Variants in RYR3 observed in about 807,000 individuals in gnomAD.
RYR3 encodes the protein ryanodine receptor 3.
A neutral mutation model predicts 584.3 loss-of-function variants in RYR3; 207 were observed. That is an observed-to-expected ratio of 0.35 (90% CI 0.32 to 0.40). The LOEUF is 0.40. RYR3 is among the 10% of genes least tolerant of loss of function. RYR3 has a pLI of 1.00. For synonymous variants in RYR3, 2,416 were observed against 2,248.5 expected, an observed-to-expected ratio of 1.07 and a Z score of -2.11; for missense variants, 5,616 against 6,089.2, an observed-to-expected ratio of 0.92 and a Z score of 2.59.
intron 1 of RYR3, among the ~76,000 whole-genome samples, chr15:33,362,419 G>T (rs58882526): frequency 0.02 from 2,966 of 151,888 alleles, 60 homozygotes; most frequent in African/African-American, 0.052. Flanking sequence ...ATCATCAGCA[G>T]CAGCAGCAGC....
chr15:33,829,307 CAAGGAGT>C (rs1464259957), intron 85 of RYR3, among the ~76,000 whole-genome samples: 1 of 152,106 alleles, frequency 6.6e-6, no homozygotes, highest in Non-Finnish European at 1.5e-5. Context: ...GCCCATGGAT[CAAGGAGT>C]AATTTTGACT....
At chr15:33,523,543 C>T (rs1014191776) in intron 3 of RYR3, among the ~76,000 whole-genome samples, 9 of 152,096 alleles carry the variant, frequency 5.9e-5, no homozygotes, top group African/African-American at 1.4e-4. Flanking sequence ...GAACCAGTTC[C>T]GGACACACTA....
intron 74 of RYR3, among the ~76,000 whole-genome samples, chr15:33,815,084 A>AG (rs1243572040): frequency 6.6e-6 from 1 of 151,470 alleles, no homozygotes; most frequent in African/African-American, 2.4e-5. Context: ...AAAAAAAAAA[A>AG]AGGAATCACA....
At chr15:33,627,920 G>A (rs969063073) in intron 20 of RYR3, among the ~76,000 whole-genome samples, 1 of 152,172 alleles carries the variant, frequency 6.6e-6, no homozygotes, top group African/African-American at 2.4e-5. Flanking sequence ...ATTAGATGGG[G>A]GAGTAGTGCC....
At chr15:33,545,307 T>A (rs762370323) in intron 8 of RYR3, among the ~76,000 whole-genome samples, 1 of 152,158 alleles carries the variant, frequency 6.6e-6, no homozygotes. Flanking sequence ...TTCAAGTGAT[T>A]CAGCAAAATT....
intron 38 of RYR3, among the ~76,000 whole-genome samples, chr15:33,694,728 C>T (rs944901002): frequency 7.2e-5 from 11 of 152,182 alleles, no homozygotes; most frequent in East Asian, 1.9e-4. Context: ...TATTATCTAA[C>T]CTAACAGGTA....
chr15:33,843,662 TC>T, intron 92 of RYR3, 88 bp downstream of exon 92: 1 of 958,432 alleles, frequency 1.0e-6, no homozygotes, highest in African/African-American at 1.6e-5. Context: ...GAATTTGTGC[TC>T]TTAATTGTAG....
intron 89 of RYR3, among the ~76,000 whole-genome samples, chr15:33,840,359 C>T (rs2078280424): frequency 6.6e-6 from 1 of 152,204 alleles, no homozygotes; most frequent in African/African-American, 2.4e-5. Flanking sequence ...ATGCAAGACT[C>T]ATAGGCTGTG....
Position 33,672,111 on chromosome 15 carries a change from G to A in RYR3, c.5860+1555G>A, listed in dbSNP as rs769926221. Among the ~76,000 whole-genome samples, 10 of 152,036 alleles carry A rather than the reference G, an allele frequency of 6.6e-5. 1 individual carries two copies. The highest frequency in any genetic ancestry group is 1.5e-4 in the Non-Finnish European group (10 of 68,008). On this transcript the variant is annotated intron_variant, in intron 38 of 103. Coordinates refer to ENST00000634891, the MANE Select transcript of RYR3 (RefSeq NM_001036.6). ...TTACAGGCATGAGCCACCACAGCTG[G>A]CCCTTTCCCACCTTCTTTTTAACAG... is the stretch of plus-strand genomic sequence containing the variant.
At chr15:33,781,766 A>C (rs1391549804) in intron 65 of RYR3, among the ~76,000 whole-genome samples, 2 of 151,448 alleles carry the variant, frequency 1.3e-5, no homozygotes, top group Non-Finnish European at 2.9e-5. Context: ...CAACTTTCCA[A>C]AGTCCCGTAT....
chr15:33,813,692 G>T, intron 74 of RYR3, 113 bp downstream of exon 74: 1 of 869,972 alleles, frequency 1.1e-6, no homozygotes, highest in South Asian at 1.5e-5. Flanking sequence ...GGAATCCTTG[G>T]CCTATGGAGC....
intron 38 of RYR3, among the ~76,000 whole-genome samples, chr15:33,671,190 T>C (rs2063816945): frequency 6.6e-6 from 1 of 152,216 alleles, no homozygotes; most frequent in Admixed American, 6.5e-5. Context: ...GCAGGGCTGT[T>C]AGACTATCTC....
At position 33,723,006 on chromosome 15, in the gene RYR3, T is replaced by C. The variant is rs112091259; in HGVS notation, c.6800+111T>C. 133 of 986,966 alleles carry C rather than the reference T, an allele frequency of 1.3e-4. 2 individuals carry two copies. The African/African-American group carries it at 1.9e-3, about 14-fold the overall frequency. 61.1% of individuals were successfully genotyped at this position (986,966 alleles called of 1,614,324 possible). A position where few individuals can be genotyped will look rare whatever the true frequency, so the allele number is the denominator to read the frequency against. On this transcript the variant is annotated intron_variant, in intron 44 of 103. Transcript: ENST00000634891. ...AGAGAAAGCACATGTTCTTAACAGT[T>C]ACAGCTAAAACATTGACCCTTCATC...
intron 1 of RYR3, among the ~76,000 whole-genome samples, chr15:33,435,430 C>G (rs2045597646): frequency 6.6e-6 from 1 of 152,042 alleles, no homozygotes; most frequent in Admixed American, 6.5e-5. Flanking sequence ...TGCTTTTTTC[C>G]AGTCAGTGTA....
At chr15:33,393,136 C>G (rs1318505130) in intron 1 of RYR3, among the ~76,000 whole-genome samples, 1 of 152,176 alleles carries the variant, frequency 6.6e-6, no homozygotes, top group Non-Finnish European at 1.5e-5. Context: ...GTCTTTGACT[C>G]GGTTTTTGTG....
chr15:33,775,163 G>A (rs1479298914), intron 64 of RYR3, among the ~76,000 whole-genome samples: 1 of 152,188 alleles, frequency 6.6e-6, no homozygotes, highest in African/African-American at 2.4e-5. Context: ...CGTGAAAATA[G>A]TGCCTGTGCT....
At chr15:33,501,425 C>T (rs2051980021) in intron 2 of RYR3, among the ~76,000 whole-genome samples, 1 of 152,160 alleles carries the variant, frequency 6.6e-6, no homozygotes. Context: ...AGAGAATAGA[C>T]TGAATATGTT....
intron 12 of RYR3, among the ~76,000 whole-genome samples, chr15:33,578,543 T>C (rs998338120): frequency 2.0e-5 from 3 of 151,696 alleles, no homozygotes; most frequent in Admixed American, 1.3e-4. Flanking sequence ...CAGTTATAAG[T>C]GGGACCTGAA....
chr15:33,445,459 A>G (rs1220242926), intron 1 of RYR3, among the ~76,000 whole-genome samples: 1 of 152,178 alleles, frequency 6.6e-6, no homozygotes, highest in Non-Finnish European at 1.5e-5. Flanking sequence ...CAGCCAGCCC[A>G]GTAGAGACAC....
Sources: allele counts gnomAD v4.1 joint callset (sites outside exome capture counted in the v4.1 genomes callset), GRCh38; gene constraint gnomAD v4.1.1; transcripts MANE v1.5; gene names NCBI Gene and HGNC (gene_info 2026-07-23, HGNC 2026-07-21).